Variants in RHOBTB1 observed in about 807,000 individuals in gnomAD.
RHOBTB1 encodes rho-related BTB domain-containing protein 1.
A neutral mutation model predicts 71.6 loss-of-function variants in RHOBTB1; 40 were observed. The ratio of observed to expected loss-of-function variants is 0.56; its 90% CI spans 0.43 to 0.73. The LOEUF (loss-of-function observed/expected upper bound fraction) is 0.73. RHOBTB1 is among the 30% of genes least tolerant of loss of function. The pLI is 0.00. For missense variants in RHOBTB1, 797 were observed against 894.0 expected, an observed-to-expected ratio of 0.89 and a Z score of 1.38; for synonymous variants, 319 against 334.9, an observed-to-expected ratio of 0.95 and a Z score of 0.52.
At chr10:60,910,392 A>T (rs2082905810) in intron 4 of RHOBTB1, among the ~76,000 whole-genome samples, 1 of 152,128 alleles carries the variant, frequency 6.6e-6, no homozygotes, top group South Asian at 2.1e-4. Context: ...CTTTGGAGAT[A>T]TTTTTCTTTC....
chr10:60,946,426 G>T (rs918718879), upstream of RHOBTB1, among the ~76,000 whole-genome samples: 16 of 151,866 alleles, frequency 1.1e-4, no homozygotes, highest in African/African-American at 3.1e-4. Flanking sequence ...CCTCATATGT[G>T]GGGGGGCACA....
At chr10:60,983,917 A>T (rs2086582278) in intron 2 of RHOBTB1, among the ~76,000 whole-genome samples, 1 of 152,200 alleles carries the variant, frequency 6.6e-6, no homozygotes, top group Non-Finnish European at 1.5e-5. Flanking sequence ...TAGGATAGCA[A>T]TGAAAGATTT....
intron 3 of RHOBTB1, 61 bp downstream of exon 3, chr10:60,911,290 T>C (rs1020793634): frequency 9.5e-6 from 14 of 1,478,012 alleles, no homozygotes; most frequent in Non-Finnish European, 1.2e-5. Flanking sequence ...TTAGAAAAAA[T>C]CAGACTGGCA....
At chr10:60,957,641 GATC>G (rs1386963939) in intron 2 of RHOBTB1, among the ~76,000 whole-genome samples, 2 of 151,928 alleles carry the variant, frequency 1.3e-5, no homozygotes, top group Non-Finnish European at 2.9e-5. Context: ...CTAAAAAGCA[GATC>G]CAAGTGAGTA....
chr10:61,001,135 C>G (rs1177393664), intron 1 of RHOBTB1, among the ~76,000 whole-genome samples: 1 of 151,932 alleles, frequency 6.6e-6, no homozygotes, highest in African/African-American at 2.4e-5. Context: ...CTCAAGACAC[C>G]CAAAGTATTC....
intron 2 of RHOBTB1, among the ~76,000 whole-genome samples, chr10:60,955,195 C>A (rs982560975): frequency 6.6e-6 from 1 of 151,940 alleles, no homozygotes; most frequent in Non-Finnish European, 1.5e-5. Context: ...CAGGCGTGCA[C>A]CACCACTTCC....
At chr10:60,913,560 T>A (rs903877578) in intron 2 of RHOBTB1, among the ~76,000 whole-genome samples, 5 of 152,144 alleles carry the variant, frequency 3.3e-5, no homozygotes, top group Admixed American at 2.6e-4. Flanking sequence ...TGGTGTTAGA[T>A]TGGTAGGTCC....
intron 1 of RHOBTB1, among the ~76,000 whole-genome samples, chr10:60,992,128 T>A (rs2086891571): frequency 6.6e-6 from 1 of 152,122 alleles, no homozygotes; most frequent in Admixed American, 6.5e-5. Flanking sequence ...GATTTTTAAA[T>A]CCTGGGGTAC....
At chr10:60,867,473 A>C (rs540644784), downstream of RHOBTB1, among the ~76,000 whole-genome samples, 1 of 152,290 alleles carries the variant, frequency 6.6e-6, no homozygotes, top group Admixed American at 6.5e-5. Flanking sequence ...TTCTGTTGTA[A>C]ATCCATGTCG....
intron 4 of RHOBTB1, among the ~76,000 whole-genome samples, chr10:60,900,645 G>T (rs1220879488): frequency 6.6e-6 from 1 of 152,112 alleles, no homozygotes; most frequent in Non-Finnish European, 1.5e-5. Context: ...TAAATTAAAA[G>T]GCCTTATGGA....
chr10:60,890,479 G>A (rs990488624), intron 5 of RHOBTB1, among the ~76,000 whole-genome samples: 2 of 152,064 alleles, frequency 1.3e-5, no homozygotes, highest in African/African-American at 4.8e-5. Flanking sequence ...AACCCTGGGA[G>A]GACAAATCTT....
Position 60,888,698 on chromosome 10 carries a change from T to C in RHOBTB1, c.970A>G (p.Ile324Val), listed in dbSNP as rs1040510045. The change falls in exon 6 of 11, where the codon ATA (isoleucine) becomes GTA (valine). Residue 324 changes from isoleucine to valine, a missense_variant. Coordinates refer to ENST00000337910, the MANE Select transcript of RHOBTB1 (RefSeq NM_014836.5). ...TCTTCCTCTGGGTCGACACTCAATA[T>C]CCGCCCCTGGAAATCTCTGCTCTGC... ...EKQSRDFQGR[I>V]LSVDPEEERE... 6.2e-7 allele frequency: 1 copy of C among 1,614,144 alleles called. No individual in the cohort carries two copies. Among genetic ancestry groups the C allele is most frequent in the Non-Finnish European group, 8.5e-7 (1 of 1,180,020 alleles).
chr10:60,974,098 G>T (rs1251950195), intron 2 of RHOBTB1, among the ~76,000 whole-genome samples: 1 of 152,056 alleles, frequency 6.6e-6, no homozygotes, highest in East Asian at 1.9e-4. Context: ...TCTAAAGTGT[G>T]TGGTGCAAAT....
At chr10:60,882,599 G>A (rs1174517922) in intron 7 of RHOBTB1, among the ~76,000 whole-genome samples, 2 of 151,944 alleles carry the variant, frequency 1.3e-5, no homozygotes, top group African/African-American at 4.8e-5. Context: ...CTCCAAAAAA[G>A]GCTGATTTTC....
chr10:60,892,668 G>T, intron 5 of RHOBTB1, 142 bp downstream of exon 5: 1 of 653,348 alleles, frequency 1.5e-6, no homozygotes, highest in Non-Finnish European at 2.4e-6. Context: ...CACTCCTCAT[G>T]ATTTATGGGC....
At chr10:60,993,335 A>G (rs536800492) in intron 1 of RHOBTB1, among the ~76,000 whole-genome samples, 35 of 152,318 alleles carry the variant, frequency 2.3e-4, no homozygotes, top group African/African-American at 7.9e-4. Context: ...GCTCAGCTAC[A>G]AGGGCACATG....
At chr10:60,986,430 TA>T (rs1554860071) in intron 1 of RHOBTB1, among the ~76,000 whole-genome samples, 3 of 136,874 alleles carry the variant, frequency 2.2e-5, no homozygotes, top group African/African-American at 8.4e-5. Flanking sequence ...TATATATATA[TA>T]AAATATATAT....
In RHOBTB1 at chr10:60,893,429, A is replaced by G. The variant is rs1236515160; in HGVS notation, c.297-434T>C. The stretch of plus-strand genomic sequence containing the variant: ...CTCATCCCAATGAGATAAAGCAAAC[A>G]ATTTAAACATTACTGAAAATGTAAC... On this transcript the variant is annotated intron_variant, in intron 4 of 10. Coordinates refer to ENST00000337910, the MANE Select transcript of RHOBTB1 (RefSeq NM_014836.5). 2.6e-5 allele frequency among the ~76,000 whole-genome samples: 4 copies of G among 152,368 alleles called. No individual in the cohort carries two copies. In the South Asian group the frequency reaches 8.3e-4, roughly 32 times the overall value.
chr10:60,974,373 A>G (rs1324322489), intron 2 of RHOBTB1, among the ~76,000 whole-genome samples: 1 of 152,084 alleles, frequency 6.6e-6, no homozygotes, highest in African/African-American at 2.4e-5. Flanking sequence ...TGCTTGATAA[A>G]ATAACTATAG....
Sources: allele counts gnomAD v4.1 joint callset (sites outside exome capture counted in the v4.1 genomes callset), GRCh38; gene constraint gnomAD v4.1.1; transcripts MANE v1.5; gene names NCBI Gene and HGNC (gene_info 2026-07-23, HGNC 2026-07-21).